FAM13A: variants seen among roughly 807,000 people sequenced by gnomAD.
FAM13A encodes the protein protein FAM13A.
A neutral mutation model predicts 129.6 loss-of-function variants in FAM13A; 76 were observed. That is an observed-to-expected ratio of 0.59 (90% confidence interval 0.49 to 0.71). The LOEUF (loss-of-function observed/expected upper bound fraction) is 0.71, where lower values mean the gene tolerates loss of function less well. Among genes scored for constraint, FAM13A ranks in the 30% least tolerant of loss-of-function variants. The pLI is 0.00. For missense variants in FAM13A, 1,108 were observed against 1,249.3 expected (o/e 0.89, Z 1.70); for synonymous variants, 443 against 449.9 (o/e 0.98, Z 0.20).
At chr4:88,746,620 A>C (rs1322499474) in intron 19 of FAM13A, among the ~76,000 whole-genome samples, 1 of 152,170 alleles carries the variant, frequency 6.6e-6, no homozygotes, top group East Asian at 1.9e-4. Flanking sequence ...TTTATGCCCT[A>C]TACTCTGCCC....
chr4:88,904,977 T>C (rs929219734), intron 6 of FAM13A, among the ~76,000 whole-genome samples: 6 of 152,162 alleles, frequency 3.9e-5, no homozygotes, highest in African/African-American at 1.4e-4. Flanking sequence ...TTATGAAACA[T>C]CATACAGTGA....
intron 4 of FAM13A, among the ~76,000 whole-genome samples, chr4:88,943,532 G>A (rs1338774257): frequency 6.6e-6 from 1 of 152,136 alleles, no homozygotes; most frequent in East Asian, 1.9e-4. Context: ...GTTCTAACAT[G>A]GCCATTTTAA....
intron 1 of FAM13A, among the ~76,000 whole-genome samples, chr4:89,046,801 TGC>T (rs1320849430): frequency 6.6e-6 from 1 of 152,064 alleles, no homozygotes; most frequent in Non-Finnish European, 1.5e-5. Context: ...CAGTGAGCCA[TGC>T]TCACACCACT....
intron 6 of FAM13A, among the ~76,000 whole-genome samples, chr4:88,861,055 A>T (rs1376289338): frequency 6.6e-6 from 1 of 152,142 alleles, no homozygotes; most frequent in Non-Finnish European, 1.5e-5. Context: ...TAAGTCCCTT[A>T]ACTTCTCTGA....
chr4:88,886,794 C>A (rs866137444), intron 6 of FAM13A, among the ~76,000 whole-genome samples: 14 of 151,236 alleles, frequency 9.3e-5, no homozygotes, highest in Middle Eastern at 3.4e-3. Flanking sequence ...GTAATCCCAG[C>A]TATTCGGGAG....
intron 6 of FAM13A, among the ~76,000 whole-genome samples, chr4:88,867,519 AT>A (rs1168856197): frequency 3.3e-5 from 5 of 152,238 alleles, no homozygotes; most frequent in African/African-American, 1.2e-4. Context: ...CATTACGTGT[AT>A]TTTTTGCCTC....
At chr4:88,942,080 T>C (rs1384549785) in intron 4 of FAM13A, among the ~76,000 whole-genome samples, 1 of 152,092 alleles carries the variant, frequency 6.6e-6, no homozygotes, top group Admixed American at 6.6e-5. Flanking sequence ...TTCTCATGAA[T>C]AAAAATTATG....
chr4:88,730,755 A>C (rs1160038281), intron 23 of FAM13A, among the ~76,000 whole-genome samples: 1 of 152,204 alleles, frequency 6.6e-6, no homozygotes, highest in Non-Finnish European at 1.5e-5. Context: ...CATTTTTGAA[A>C]TGAGCTTGAA....
At chr4:88,795,906 TCA>T (rs1726076887) in intron 8 of FAM13A, among the ~76,000 whole-genome samples, 1 of 151,820 alleles carries the variant, frequency 6.6e-6, no homozygotes, top group Admixed American at 6.6e-5. Context: ...ACAGTAAACT[TCA>T]GTTATGATTA....
intron 4 of FAM13A, among the ~76,000 whole-genome samples, chr4:88,964,152 C>T (rs143440095): frequency 5.7e-4 from 87 of 152,270 alleles, no homozygotes; most frequent in African/African-American, 1.9e-3. Flanking sequence ...TTCTTTCATA[C>T]GGCTGAGAAT....
intron 5 of FAM13A, among the ~76,000 whole-genome samples, chr4:88,933,599 C>T (rs1283640338): frequency 2.0e-5 from 3 of 151,684 alleles, no homozygotes; most frequent in African/African-American, 4.8e-5. Context: ...TTCTAGCTTG[C>T]TTGCTCATCT....
chr4:88,753,199 A>G (rs1192727323), intron 14 of FAM13A, among the ~76,000 whole-genome samples: 1 of 152,234 alleles, frequency 6.6e-6, no homozygotes, highest in African/African-American at 2.4e-5. Flanking sequence ...TGTGTATACA[A>G]ATTTTTACTT....
intron 5 of FAM13A, among the ~76,000 whole-genome samples, chr4:88,927,988 C>G (rs949547588): frequency 1.1e-4 from 17 of 152,054 alleles, no homozygotes; most frequent in African/African-American, 4.1e-4. Flanking sequence ...ATGCCACAAA[C>G]TTCCCTCTTA....
Position 88,731,427 on chromosome 4 carries a change from G to C in FAM13A, c.2845C>G (p.Pro949Ala), listed in dbSNP as rs1737756448. The C allele has an allele frequency of 1.3e-6, 2 of 1,558,754 alleles. No homozygotes were observed. The highest frequency in any genetic ancestry group is 4.5e-5 in the East Asian group (2 of 44,604). The change falls in exon 23 of 24, where the codon CCT becomes GCT. Residue 949 changes from proline to alanine, a missense_variant and splice_region_variant. By Grantham distance (27) the Pro-to-Ala change is conservative (BLOSUM62 -1). Coordinates refer to ENST00000264344, the MANE Select transcript of FAM13A (RefSeq NM_014883.4). Reference sequence around the variant, plus strand: ...TCCTGGAGGTGTTCCAGGAGTTCAGGTCTAAGAGAGAGGAAGCATTGCAAG... The same window carrying C: ...TCCTGGAGGTGTTCCAGGAGTTCAGCTCTAAGAGAGAGGAAGCATTGCAAG... ...GLSNLHAASI[P>A]ELLEHLQEMR...
At chr4:88,749,250 A>G (rs1742033429) in intron 16 of FAM13A, among the ~76,000 whole-genome samples, 1 of 152,228 alleles carries the variant, frequency 6.6e-6, no homozygotes. Flanking sequence ...CCTCAGAGGC[A>G]AAATGCATCT....
intron 11 of FAM13A, among the ~76,000 whole-genome samples, chr4:88,775,348 T>C (rs546322835): frequency 6.6e-6 from 1 of 151,856 alleles, no homozygotes; most frequent in East Asian, 1.9e-4. Context: ...GAGAATGGGG[T>C]TGGAGTTCGG....
intron 3 of FAM13A, among the ~76,000 whole-genome samples, chr4:89,019,891 A>G (rs555800771): frequency 6.6e-5 from 10 of 152,310 alleles, no homozygotes; most frequent in African/African-American, 1.9e-4. Flanking sequence ...AGAAAAAGCA[A>G]GTACACCAGT....
At chr4:88,738,987 G>T in intron 20 of FAM13A, 43 bp downstream of exon 20, 1 of 1,264,220 alleles carries the variant, frequency 7.9e-7, no homozygotes, top group Non-Finnish European at 1.2e-6. Flanking sequence ...GCCCATTCAA[G>T]CGGAAAGGTG....
chr4:88,918,851 G>A (rs545110398), intron 5 of FAM13A, among the ~76,000 whole-genome samples: 17 of 152,254 alleles, frequency 1.1e-4, no homozygotes, highest in African/African-American at 4.1e-4. Flanking sequence ...GTTAGATTGG[G>A]AGCCACATGA....
Sources: gnomAD v4.1 joint callset for allele counts (sites outside exome capture counted in the v4.1 genomes callset) on GRCh38, gnomAD v4.1.1 for gene constraint, MANE v1.5 for transcripts, NCBI Gene and HGNC (gene_info 2026-07-23, HGNC 2026-07-21) for gene names.